The following PPAT variants were observed in gnomAD, a reference collection of about 807,000 sequenced individuals.
PPAT encodes phosphoribosyl pyrophosphate amidotransferase, also known as amidophosphoribosyltransferase.
Under a neutral mutation model 60.2 loss-of-function variants are expected in PPAT, and 20 were observed. The ratio of observed to expected loss-of-function variants is 0.33; its 90% confidence interval spans 0.23 to 0.48. The LOEUF is 0.48. Ranked by LOEUF, PPAT falls within the 20% of genes least tolerant of loss-of-function variation. PPAT has a pLI of 0.99. For missense variants in PPAT, 349 were observed against 629.6 expected, an observed-to-expected ratio of 0.55 and a Z score of 4.77; for synonymous variants, 194 against 215.1, an observed-to-expected ratio of 0.90 and a Z score of 0.86.
chr4:56,403,982 C>G (rs1716181670), intron 3 of PPAT: 1 of 426,734 alleles, frequency 2.3e-6, no homozygotes, highest in African/African-American at 2.0e-5. Context: ...TCACTTACCA[C>G]TCACCTCCTG....
intron 8 of PPAT, chr4:56,400,346 A>G (rs1252585312): frequency 6.5e-6 from 1 of 153,934 alleles, no homozygotes; most frequent in Admixed American, 6.5e-5. Flanking sequence ...CATATAATAC[A>G]TATACAAAAT....
chr4:56,399,452 A>G, intron 8 of PPAT, 52 bp from the exon 9 acceptor site: 2 of 1,334,632 alleles, frequency 1.5e-6, no homozygotes. Flanking sequence ...AGAATAGGCA[A>G]ATATTTTCTC....
chr4:56,434,607 C>A (rs1461446398), intron 1 of PPAT, among the ~76,000 whole-genome samples: 6 of 152,162 alleles, frequency 3.9e-5, no homozygotes, highest in Non-Finnish European at 2.9e-5. Flanking sequence ...AGACACTACT[C>A]CCCTGTCCCC....
intron 1 of PPAT, chr4:56,428,946 T>C: frequency 2.1e-6 from 2 of 956,242 alleles, no homozygotes; most frequent in Non-Finnish European, 2.5e-6. Flanking sequence ...TAAGAATTAT[T>C]TGAAGGTCAC....
At chr4:56,399,471 G>T in intron 8 of PPAT, 71 bp from the exon 9 acceptor site, 1 of 1,139,908 alleles carries the variant, frequency 8.8e-7, no homozygotes. Context: ...TCTAGGTTGT[G>T]TTGCCGCCAC....
In PPAT at chr4:56,428,265, T is replaced by C. The variant is rs187782681; in HGVS notation, c.128+7085A>G. Among the ~76,000 whole-genome samples, 186 of 152,300 alleles carry C rather than the reference T, an allele frequency of 1.2e-3. 1 individual carries two copies. The highest frequency in any genetic ancestry group is 3.8e-3 in the African/African-American group (158 of 41,548). On this transcript the variant is annotated intron_variant, in intron 1 of 10. Coordinates refer to ENST00000264220, the MANE Select transcript of PPAT (RefSeq NM_002703.5). ...TTGTAGGTAATCCTTTAGAAGATGC[T>C]AAAAGTCATTTACAGATTATAACAG...
At chr4:56,404,289 T>C (rs1362971576) in intron 3 of PPAT, among the ~76,000 whole-genome samples, 1 of 152,226 alleles carries the variant, frequency 6.6e-6, no homozygotes, top group Non-Finnish European at 1.5e-5. Context: ...GGTATATTCC[T>C]ATAAAAGTAG....
intron 1 of PPAT, among the ~76,000 whole-genome samples, chr4:56,431,972 C>T (rs1056272402): frequency 2.0e-5 from 3 of 152,128 alleles, no homozygotes; most frequent in Non-Finnish European, 2.9e-5. Context: ...AGCAGAGCTA[C>T]GGAATAAATC....
chr4:56,429,559 C>A (rs1717474933), intron 1 of PPAT, among the ~76,000 whole-genome samples: 1 of 152,092 alleles, frequency 6.6e-6, no homozygotes. Context: ...AACCTGAGCT[C>A]CAGTCTCTCT....
intron 1 of PPAT, among the ~76,000 whole-genome samples, chr4:56,413,905 ATAAAT>A (rs539357907): frequency 6.6e-6 from 1 of 152,220 alleles, no homozygotes; most frequent in Non-Finnish European, 1.5e-5. Context: ...CTCAAAATAA[ATAAAT>A]TAAATAAATA....
Position 56,435,568 on chromosome 4 carries a change from C to T in PPAT, c.-91G>A, listed in dbSNP as rs982173761. On this transcript the variant is annotated 5_prime_UTR_variant, in exon 1 of 11. Transcript: ENST00000264220. ...CAGCTCGGCCCGTCGAGCTCAGAAG[C>T]TCGCGCTCGCGACAGGCTCTTCCTT... 6.3e-7 allele frequency: 1 copy of T among 1,593,080 alleles called. No individual in the cohort carries two copies. The highest frequency in any genetic ancestry group is 1.3e-5 in the African/African-American group (1 of 74,704).
intron 1 of PPAT, among the ~76,000 whole-genome samples, chr4:56,433,217 AT>A (rs1164477227): frequency 6.6e-6 from 1 of 151,820 alleles, no homozygotes; most frequent in Non-Finnish European, 1.5e-5. Flanking sequence ...GTGCACCTTA[AT>A]GATTCTATGC....
At position 56,395,169 on chromosome 4, in the gene PPAT, GGAAATGTT is replaced by G; in HGVS notation, c.*175_*182del. 1.8e-6 allele frequency: 1 copy of G among 544,628 alleles called. No individual in the cohort carries two copies. The highest frequency in any genetic ancestry group is 3.5e-5 in the East Asian group (1 of 28,206). The allele number at this position is 544,628 out of a possible 1,614,324, so 33.7% of individuals were successfully genotyped here. On this transcript the variant is annotated 3_prime_UTR_variant, in exon 11 of 11. Coordinates refer to ENST00000264220, the MANE Select transcript of PPAT (RefSeq NM_002703.5). Reference sequence around the variant, plus strand: ...ACATATTGTTGTATTATATGCAATTGGAAATGTTCAGTTATCGCACTTTGGTATCCTTT... The same window carrying G: ...ACATATTGTTGTATTATATGCAATTGCAGTTATCGCACTTTGGTATCCTTT...
intron 1 of PPAT, chr4:56,420,748 TA>T (rs1163564207): frequency 1.3e-5 from 2 of 152,190 alleles, no homozygotes; most frequent in East Asian, 3.8e-4. Flanking sequence ...AAATATAAAA[TA>T]CATGAGACTT....
At position 56,396,755 on chromosome 4, in the gene PPAT, T is replaced by G; in HGVS notation, c.1237-16A>C. On this transcript the variant is annotated splice_polypyrimidine_tract_variant and intron_variant, in intron 9 of 10. Coordinates refer to ENST00000264220, the MANE Select transcript of PPAT (RefSeq NM_002703.5). This position sits in a 1 kb window ranked among gnomAD's most constrained non-coding sequence, Gnocchi z 4.6. ...GAATGTGTACCTTGGAAAGAAATCA[T>G]TGCACACAAGGTTTTTAAGACTATG... 1 of 1,604,082 alleles carries G rather than the reference T, an allele frequency of 6.2e-7. No homozygotes were observed. Among genetic ancestry groups the G allele is most frequent in the East Asian group, 2.2e-5 (1 of 44,730 alleles).
chr4:56,416,003 G>T lies in PPAT; in HGVS notation c.129-8287C>A, dbSNP rs188833324. Among the ~76,000 whole-genome samples, 103 of 151,900 alleles carry T rather than the reference G, an allele frequency of 6.8e-4. 1 individual carries two copies. The East Asian group carries it at 0.012, about 17-fold the overall frequency. On this transcript the variant is annotated intron_variant, in intron 1 of 10. Coordinates refer to ENST00000264220, the MANE Select transcript of PPAT (RefSeq NM_002703.5). Reference sequence around the variant, plus strand: ...GAGAATTGCTTGAACCCGGGAGGCGGAGGTTGCAGTGAGCCGAGATCACAC... The same window carrying T: ...GAGAATTGCTTGAACCCGGGAGGCGTAGGTTGCAGTGAGCCGAGATCACAC...
rs556899549 is a variant in PPAT at position 56,402,820 on chromosome 4, C to CAAAAAA, written c.661+214_661+219dup. On this transcript the variant is annotated intron_variant, in intron 5 of 10. Transcript: ENST00000264220. ...GGCAACAAGAGTGAAACTCGGTCTCCAAAAAAAAAAAAAAAAAAAAAAAAA... is the reference window on the plus strand; with the variant it reads ...GGCAACAAGAGTGAAACTCGGTCTCCAAAAAAAAAAAAAAAAAAAAAAAAAAAAAAA... Among the ~76,000 whole-genome samples, 54 of 44,002 alleles carry CAAAAAA rather than the reference C, an allele frequency of 1.2e-3. 2 individuals carry two copies. The highest frequency in any genetic ancestry group is 4.2e-3 in the African/African-American group (45 of 10,758). The allele number at this position is 44,002 out of a possible 152,430, so 28.9% of individuals were successfully genotyped here. A position where few individuals can be genotyped will look rare whatever the true frequency, so the allele number is the denominator to read the frequency against.
intron 1 of PPAT, among the ~76,000 whole-genome samples, chr4:56,410,293 C>T (rs902564859): frequency 1.3e-5 from 2 of 152,154 alleles, no homozygotes; most frequent in African/African-American, 4.8e-5. Context: ...GGAAGTTTTT[C>T]CTTCAGGCTG....
chr4:56,399,624 CCT>C, intron 8 of PPAT: 2 of 406,348 alleles, frequency 4.9e-6, no homozygotes, highest in Non-Finnish European at 8.8e-6. Flanking sequence ...AAACATTATT[CCT>C]CTGTTTTGAA....
Sources: allele counts gnomAD v4.1 joint callset (sites outside exome capture counted in the v4.1 genomes callset), GRCh38; gene constraint gnomAD v4.1.1; non-coding constraint Gnocchi (gnomAD v3.1); transcripts MANE v1.5; gene names NCBI Gene and HGNC (gene_info 2026-07-23, HGNC 2026-07-21).